Variants in PVT1 observed in about 807,000 individuals in gnomAD.
The protein encoded by PVT1 is CXCR4/PVT1 fusion.
chr8:127,975,380 A>AT (rs1165334621), intron 3 of PVT1, among the ~76,000 whole-genome samples: 21 of 152,086 alleles, frequency 1.4e-4, no homozygotes, highest in Non-Finnish European at 7.4e-5. Flanking sequence ...AGATTTATAT[A>AT]TTTTTTTATC....
intron 5 of PVT1, among the ~76,000 whole-genome samples, chr8:128,075,605 G>T (rs1429259184): frequency 1.3e-5 from 2 of 151,912 alleles, no homozygotes; most frequent in Non-Finnish European, 2.9e-5. Flanking sequence ...TTATCTTTTA[G>T]AGCACATTCC....
At chr8:127,950,031 C>T (rs951187315) in intron 3 of PVT1, among the ~76,000 whole-genome samples, 1 of 152,256 alleles carries the variant, frequency 6.6e-6, no homozygotes, top group Non-Finnish European at 1.5e-5. Flanking sequence ...ACGGGAGTTT[C>T]CCTCCAACTT....
At chr8:128,089,647 C>A (rs1814324196) in intron 5 of PVT1, among the ~76,000 whole-genome samples, 2 of 152,192 alleles carry the variant, frequency 1.3e-5, no homozygotes, top group Non-Finnish European at 2.9e-5. Context: ...ATTAAACACA[C>A]AATTACGCAT....
Position 127,889,035 on chromosome 8 carries a change from T to TTCCTTCCTTCCTTC in PVT1, n.373-1554_373-1553insTCCTTCCTTCCTTC, listed in dbSNP as rs1815561979. Among the ~76,000 whole-genome samples, 14 of 100,490 alleles carry TTCCTTCCTTCCTTC rather than the reference T, an allele frequency of 1.4e-4. 1 individual carries two copies. The highest frequency in any genetic ancestry group is 3.9e-4 in the African/African-American group (11 of 28,344). The allele number at this position is 100,490 out of a possible 152,430, so 65.9% of individuals were successfully genotyped here. ...TCAAACCCCTTTTCCTTTCTCTCTT[T>TTCCTTCCTTCCTTC]CTTTCTTCCTTCCTTCCTTCCTTCC... On this transcript the variant is annotated intron_variant and non_coding_transcript_variant, in intron 2 of 10. Coordinates refer to ENST00000651587, the Ensembl canonical transcript of PVT1.
intron 4 of PVT1, among the ~76,000 whole-genome samples, chr8:128,016,935 C>G (rs942831976): frequency 6.6e-6 from 1 of 152,180 alleles, no homozygotes; most frequent in Non-Finnish European, 1.5e-5. Context: ...CCTGTAATCC[C>G]AGCACTTCGG....
intron 3 of PVT1, among the ~76,000 whole-genome samples, chr8:127,953,031 T>C (rs1290447014): frequency 2.0e-5 from 3 of 152,224 alleles, no homozygotes; most frequent in Non-Finnish European, 4.4e-5. Flanking sequence ...CCGAAAGTGC[T>C]GGGATTACAG....
chr8:127,801,337 G>T (rs1814463393), intron 2 of PVT1, among the ~76,000 whole-genome samples: 1 of 152,164 alleles, frequency 6.6e-6, no homozygotes, highest in African/African-American at 2.4e-5. Context: ...TGCCTCCTGG[G>T]TTTAAGCAAT....
At chr8:128,002,131 A>G (rs990351330) in intron 4 of PVT1, among the ~76,000 whole-genome samples, 3 of 152,236 alleles carry the variant, frequency 2.0e-5, no homozygotes, top group African/African-American at 7.2e-5. Context: ...TGATTAATTG[A>G]CAGTATTCCT....
chr8:127,956,350 T>C (rs1056064039), intron 3 of PVT1, among the ~76,000 whole-genome samples: 1 of 152,248 alleles, frequency 6.6e-6, no homozygotes, highest in African/African-American at 2.4e-5. Flanking sequence ...CTCTGAACAG[T>C]CTGCTCTGTC....
intron 4 of PVT1, among the ~76,000 whole-genome samples, chr8:128,037,468 T>C (rs866833506): frequency 3.7e-4 from 57 of 152,304 alleles, no homozygotes; most frequent in African/African-American, 1.3e-3. Flanking sequence ...TGCACTTTGT[T>C]TGCATTCCTG....
chr8:127,970,283 T>A (rs12676843), intron 3 of PVT1, among the ~76,000 whole-genome samples: 1,458 of 135,036 alleles, frequency 0.011, 152 homozygotes, highest in Admixed American at 0.1. Context: ...CCATCTGCCA[T>A]GATTTGTTTT....
intron 3 of PVT1, among the ~76,000 whole-genome samples, chr8:127,925,655 T>G (rs1366547391): frequency 6.6e-6 from 1 of 152,198 alleles, no homozygotes; most frequent in Non-Finnish European, 1.5e-5. Context: ...TTTGTTTTTT[T>G]TTTGAAATGG....
intron 2 of PVT1, among the ~76,000 whole-genome samples, chr8:127,823,661 A>G (rs1814757271): frequency 6.6e-6 from 1 of 152,078 alleles, no homozygotes; most frequent in Non-Finnish European, 1.5e-5. Flanking sequence ...CCCTCTTGCC[A>G]CTTGTACTTC....
chr8:128,083,567 G>A (rs561393926), intron 5 of PVT1, among the ~76,000 whole-genome samples: 3 of 152,374 alleles, frequency 2.0e-5, no homozygotes, highest in South Asian at 4.1e-4. Flanking sequence ...CTGAATGGCT[G>A]AAATACCCAA....
At chr8:128,046,859 A>G (rs947642142) in intron 4 of PVT1, among the ~76,000 whole-genome samples, 1 of 152,196 alleles carries the variant, frequency 6.6e-6, no homozygotes, top group Non-Finnish European at 1.5e-5. Context: ...TAGTTTCTCC[A>G]TCTCTAATCA....
At chr8:127,821,587 G>A (rs1434248412) in intron 2 of PVT1, among the ~76,000 whole-genome samples, 1 of 152,126 alleles carries the variant, frequency 6.6e-6, no homozygotes, top group Non-Finnish European at 1.5e-5. Flanking sequence ...GAGGTGGGCT[G>A]ATCACGAGGT....
intron 4 of PVT1, chr8:127,999,301 T>A (rs1434997719): frequency 6.6e-6 from 1 of 152,192 alleles, no homozygotes; most frequent in African/African-American, 2.4e-5. Context: ...CCTGTAAAAA[T>A]TTTTAAAAAT....
chr8:128,053,567 A>G (rs990269768), intron 4 of PVT1, among the ~76,000 whole-genome samples: 2 of 152,110 alleles, frequency 1.3e-5, no homozygotes, highest in African/African-American at 4.8e-5. Flanking sequence ...GCTCCTCAGA[A>G]TGGCTTTGTT....
intron 4 of PVT1, among the ~76,000 whole-genome samples, chr8:128,004,056 C>A (rs534816873): frequency 1.3e-5 from 2 of 152,068 alleles, no homozygotes; most frequent in African/African-American, 4.8e-5. Context: ...GGACACATAT[C>A]CTTTCAGATT....
Sources: allele counts gnomAD v4.1 joint callset (sites outside exome capture counted in the v4.1 genomes callset), GRCh38; gene constraint gnomAD v4.1.1; transcripts MANE v1.5; gene names NCBI Gene and HGNC (gene_info 2026-07-23, HGNC 2026-07-21).